NBN: variants seen among roughly 807,000 people sequenced by gnomAD.
The protein encoded by NBN is Nijmegen breakage syndrome 1 (nibrin).
NBN carries 88 observed loss-of-function variants against 90.8 expected under a neutral mutation model. The observed-to-expected ratio is 0.97, with a 90% CI of 0.82 to 1.16. The LOEUF is 1.16. Among genes scored for constraint, NBN ranks in the 50% most tolerant of loss-of-function variants. The pLI is 0.00. For synonymous variants in NBN, 328 were observed against 295.1 expected (o/e 1.11, Z -1.14); for missense variants, 894 against 869.6 (o/e 1.03, Z -0.35).
chr8:89,982,346 C>T (rs1812110282), intron 2 of NBN: 3 of 305,226 alleles, frequency 9.8e-6, no homozygotes, highest in Non-Finnish European at 1.9e-5. Context: ...GTTCTATTCG[C>T]AGGGTTGGCA....
At chr8:89,978,447 C>T in intron 4 of NBN, 124 bp from the exon 5 acceptor site, 1 of 748,682 alleles carries the variant, frequency 1.3e-6, no homozygotes. Flanking sequence ...TCCCTTTCAT[C>T]TCTCTAAATT....
At chr8:89,965,733 A>G (rs1001345817) in intron 7 of NBN, among the ~76,000 whole-genome samples, 4 of 151,862 alleles carry the variant, frequency 2.6e-5, no homozygotes, top group African/African-American at 9.7e-5. Flanking sequence ...CAAGTGATCC[A>G]CCCTCCTCGG....
intron 7 of NBN, among the ~76,000 whole-genome samples, chr8:89,965,735 C>T (rs1251215830): frequency 6.6e-6 from 1 of 152,106 alleles, no homozygotes; most frequent in Non-Finnish European, 1.5e-5. Flanking sequence ...AGTGATCCAC[C>T]CTCCTCGGCC....
chr8:89,967,505 G>A (rs1811311096), intron 7 of NBN, among the ~76,000 whole-genome samples: 1 of 152,092 alleles, frequency 6.6e-6, no homozygotes, highest in Non-Finnish European at 1.5e-5. Flanking sequence ...TGTGTATTAC[G>A]CATAAATCAA....
intron 7 of NBN, among the ~76,000 whole-genome samples, chr8:89,967,009 A>T (rs1216569089): frequency 8.5e-5 from 13 of 152,372 alleles, no homozygotes; most frequent in African/African-American, 3.1e-4. Flanking sequence ...TTTTTACTAT[A>T]TAGCAGGTCC....
intron 13 of NBN, among the ~76,000 whole-genome samples, chr8:89,944,359 G>A (rs1320345154): frequency 6.6e-6 from 1 of 152,090 alleles, no homozygotes; most frequent in East Asian, 1.9e-4. Flanking sequence ...ACTTTTATAA[G>A]TAACTAAAAT....
intron 1 of NBN, 37 bp from the exon 2 acceptor site, chr8:89,982,892 T>C (rs767465268): frequency 7.5e-6 from 12 of 1,594,588 alleles, no homozygotes; most frequent in Middle Eastern, 1.7e-4. Flanking sequence ...GATAAGTTGA[T>C]AGACACATAC....
rs565800185 is a variant in NBN, at chr8:89,970,056, C to A, written c.896+308G>T. ...CTGAGGTCAGGAGTTCAAGACCAGC[C>A]TGGCCTACATGGCAAAACCCTGTCT... On this transcript the variant is annotated intron_variant, in intron 7 of 15. Transcript: ENST00000265433. 8.5e-5 allele frequency among the ~76,000 whole-genome samples: 13 copies of A among 152,162 alleles called. No homozygotes were observed. The East Asian group carries it at 1.9e-3, about 23-fold the overall frequency.
intron 14 of NBN, among the ~76,000 whole-genome samples, chr8:89,939,302 T>C (rs1383910434): frequency 1.3e-5 from 2 of 152,074 alleles, no homozygotes; most frequent in Admixed American, 6.6e-5. Context: ...AAATAAGCAG[T>C]AGCCATGCAG....
At chr8:89,943,176 G>C in intron 14 of NBN, 77 bp downstream of exon 14, 1 of 1,479,976 alleles carries the variant, frequency 6.8e-7, no homozygotes, top group Non-Finnish European at 9.4e-7. Flanking sequence ...TTGGTTTTAA[G>C]AAGAATTTGC....
chr8:89,963,247 G>A (rs1811082417), intron 8 of NBN, among the ~76,000 whole-genome samples: 1 of 152,146 alleles, frequency 6.6e-6, no homozygotes, highest in South Asian at 2.1e-4. Context: ...TTAAACCAAG[G>A]TTGCAGAGCA....
Position 89,964,479 on chromosome 8 carries a change from C to T in NBN, c.925G>A (p.Glu309Lys), listed in dbSNP as rs587780101. 6.2e-7 allele frequency: 1 copy of T among 1,609,718 alleles called. No homozygotes were observed. Residue 309 changes from glutamate (E) to lysine (K), a missense_variant, in exon 8 of 16, where the codon GAA (glutamate) becomes AAA (lysine). Transcript: ENST00000265433. ...RQGLRPIPEA[E>K]IGLAVIFMTT... The stretch of plus-strand genomic sequence containing the variant: ...ATGAAAATCACCGCCAATCCAATTT[C>T]TGCTTCAGGAATAGGTCTAAGACCT...
At chr8:89,947,778 T>C in intron 12 of NBN, 46 bp downstream of exon 12, 2 of 1,085,482 alleles carry the variant, frequency 1.8e-6, no homozygotes, top group Non-Finnish European at 2.8e-6. Context: ...GAGATGACAG[T>C]CCCCGTAAGC....
intron 7 of NBN, among the ~76,000 whole-genome samples, chr8:89,969,249 A>C (rs1638475829): frequency 6.6e-6 from 1 of 152,240 alleles, no homozygotes; most frequent in South Asian, 2.1e-4. Flanking sequence ...ATTAAAGTCT[A>C]AGAAAAATCC....
chr8:89,966,888 A>G (rs1811278462), intron 7 of NBN, among the ~76,000 whole-genome samples: 1 of 152,256 alleles, frequency 6.6e-6, no homozygotes, highest in Non-Finnish European at 1.5e-5. Flanking sequence ...ACTTTGGTAT[A>G]AAACAGAATT....
intron 7 of NBN, among the ~76,000 whole-genome samples, chr8:89,969,089 A>G (rs1811383425): frequency 6.6e-6 from 1 of 152,238 alleles, no homozygotes; most frequent in Admixed American, 6.5e-5. Context: ...AATCTTTGGT[A>G]GGAAGCTGGC....
intron 7 of NBN, among the ~76,000 whole-genome samples, chr8:89,964,740 G>T (rs1233276949): frequency 6.6e-6 from 1 of 152,088 alleles, no homozygotes; most frequent in Non-Finnish European, 1.5e-5. Context: ...AGGGGCTAAA[G>T]AATATAGATC....
In NBN at chr8:89,935,574, AT is replaced by A. The variant is rs753592154; in HGVS notation, c.*7del. ...AGTTTTTCCATGGCTTCTTTTTAAAATCCTCAGTTATCTTCTCCTTTTTAAA... is the reference window on the plus strand; with the variant it reads ...AGTTTTTCCATGGCTTCTTTTTAAAACCTCAGTTATCTTCTCCTTTTTAAA... On this transcript the variant is annotated 3_prime_UTR_variant, in exon 16 of 16. Transcript: ENST00000265433. 2.5e-6 allele frequency: 4 copies of A among 1,610,400 alleles called. No homozygotes were observed. In the East Asian group the frequency reaches 9.0e-5, roughly 36 times the overall value.
chr8:89,950,874 T>C (rs1333171399), intron 11 of NBN, among the ~76,000 whole-genome samples: 1 of 152,028 alleles, frequency 6.6e-6, no homozygotes, highest in Non-Finnish European at 1.5e-5. Flanking sequence ...CCTGGGAGAA[T>C]GTGCAGTGAA....
Sources: allele counts gnomAD v4.1 joint callset (sites outside exome capture counted in the v4.1 genomes callset), GRCh38; gene constraint gnomAD v4.1.1; transcripts MANE v1.5; gene names NCBI Gene and HGNC (gene_info 2026-07-23, HGNC 2026-07-21).